Variants in STXBP6 observed in about 807,000 individuals in gnomAD.
STXBP6 encodes syntaxin binding protein 6.
Under a neutral mutation model 26.9 loss-of-function variants are expected in STXBP6, and 21 were observed. That is an observed-to-expected ratio of 0.78 (90% confidence interval 0.55 to 1.12). The LOEUF is 1.12. Ranked by LOEUF, STXBP6 falls within the 50% of genes most tolerant of loss-of-function variation. The pLI is 0.00. For synonymous variants in STXBP6, 97 were observed against 92.6 expected (o/e 1.05, Z -0.27); for missense variants, 232 against 257.9 (o/e 0.90, Z 0.69).
intron 2 of STXBP6, among the ~76,000 whole-genome samples, chr14:24,957,697 C>A (rs899352806): frequency 1.3e-5 from 2 of 152,198 alleles, no homozygotes; most frequent in African/African-American, 4.8e-5. Flanking sequence ...CACACTAGCC[C>A]TCTAAGATAG....
intron 1 of STXBP6, among the ~76,000 whole-genome samples, chr14:24,992,814 A>G (rs2074508401): frequency 6.6e-6 from 1 of 152,192 alleles, no homozygotes; most frequent in Non-Finnish European, 1.5e-5. Flanking sequence ...ACCATAAGTA[A>G]CTCTGAAAAA....
chr14:24,909,392 G>A (rs1229747407), intron 2 of STXBP6, among the ~76,000 whole-genome samples: 1 of 152,174 alleles, frequency 6.6e-6, no homozygotes, highest in Non-Finnish European at 1.5e-5. Flanking sequence ...ACAGATGTGG[G>A]AACTAATGTC....
At chr14:24,889,597 A>G (rs2070720220) in intron 2 of STXBP6, among the ~76,000 whole-genome samples, 1 of 151,952 alleles carries the variant, frequency 6.6e-6, no homozygotes. Flanking sequence ...AAAAAAGAAT[A>G]CCCAGAAAAG....
chr14:24,974,317 T>C (rs1469344649), intron 2 of STXBP6, among the ~76,000 whole-genome samples: 1 of 152,220 alleles, frequency 6.6e-6, no homozygotes, highest in East Asian at 1.9e-4. Flanking sequence ...TAATGACAAT[T>C]ATTCAGATAC....
chr14:24,956,615 A>T (rs1050781944), intron 2 of STXBP6, among the ~76,000 whole-genome samples: 3 of 152,160 alleles, frequency 2.0e-5, no homozygotes, highest in Non-Finnish European at 4.4e-5. Context: ...GCTGGGGTTT[A>T]AGACTCTCCA....
intron 2 of STXBP6, among the ~76,000 whole-genome samples, chr14:24,892,540 C>T (rs1472706389): frequency 6.6e-6 from 1 of 152,088 alleles, no homozygotes. Flanking sequence ...CAACCACACC[C>T]CTTGGTTTGA....
chr14:25,025,160 A>G (rs573648993), intron 1 of STXBP6, among the ~76,000 whole-genome samples: 1 of 152,222 alleles, frequency 6.6e-6, no homozygotes, highest in South Asian at 2.1e-4. Flanking sequence ...GGCTTAACTC[A>G]TGAGAAGGCT....
chr14:25,006,527 G>A (rs2074903604), intron 1 of STXBP6, among the ~76,000 whole-genome samples: 1 of 152,174 alleles, frequency 6.6e-6, no homozygotes, highest in South Asian at 2.1e-4. Context: ...TGCTTTATTT[G>A]TGAAGGAAAG....
chr14:25,028,175 A>C (rs1292733059), intron 1 of STXBP6, among the ~76,000 whole-genome samples: 2 of 152,218 alleles, frequency 1.3e-5, no homozygotes, highest in African/African-American at 4.8e-5. Context: ...TATCAGCTAC[A>C]CCAAACAACA....
At chr14:24,918,260 AG>A (rs1196887258) in intron 2 of STXBP6, among the ~76,000 whole-genome samples, 1 of 152,016 alleles carries the variant, frequency 6.6e-6, no homozygotes, top group Non-Finnish European at 1.5e-5. Flanking sequence ...GGTAAACTTC[AG>A]GGTTATGAAT....
chr14:25,041,195 G>A (rs1301183364), intron 1 of STXBP6, among the ~76,000 whole-genome samples: 2 of 151,930 alleles, frequency 1.3e-5, no homozygotes, highest in Admixed American at 6.6e-5. Flanking sequence ...GGTGGTGGGC[G>A]CCTATAATCC....
chr14:24,955,138 C>T (rs1338749929), intron 2 of STXBP6, among the ~76,000 whole-genome samples: 1 of 152,128 alleles, frequency 6.6e-6, no homozygotes, highest in East Asian at 1.9e-4. Context: ...TTCTTTGTTG[C>T]TCAGGTATTG....
intron 2 of STXBP6, among the ~76,000 whole-genome samples, chr14:24,939,186 C>T (rs550937668): frequency 4.9e-4 from 75 of 152,270 alleles, no homozygotes; most frequent in African/African-American, 1.7e-3. Context: ...ACATTTAAAT[C>T]CCCTCCTAGT....
At chr14:24,892,345 G>A (rs914376041) in intron 2 of STXBP6, among the ~76,000 whole-genome samples, 6 of 152,142 alleles carry the variant, frequency 3.9e-5, no homozygotes, top group Non-Finnish European at 8.8e-5. Flanking sequence ...TTAGGTGGAA[G>A]TATTTATTTT....
intron 2 of STXBP6, among the ~76,000 whole-genome samples, chr14:24,880,087 A>C (rs1342620806): frequency 6.6e-6 from 1 of 152,258 alleles, no homozygotes; most frequent in Non-Finnish European, 1.5e-5. Flanking sequence ...AAGATATGAC[A>C]TTAGTTACTG....
intron 4 of STXBP6, among the ~76,000 whole-genome samples, chr14:24,849,590 C>G (rs2069077328): frequency 6.6e-6 from 1 of 152,084 alleles, no homozygotes; most frequent in African/African-American, 2.4e-5. Flanking sequence ...TCATTTTCCT[C>G]ATCTGTACTT....
At chr14:24,907,967 A>G (rs547445750) in intron 2 of STXBP6, among the ~76,000 whole-genome samples, 2 of 152,150 alleles carry the variant, frequency 1.3e-5, no homozygotes, top group Admixed American at 1.3e-4. Flanking sequence ...AAGGAACCCC[A>G]AATCTGTATC....
intron 2 of STXBP6, among the ~76,000 whole-genome samples, chr14:24,896,295 C>G (rs919128790): frequency 2.2e-5 from 3 of 138,104 alleles, no homozygotes; most frequent in African/African-American, 8.4e-5. Context: ...AAGTTTTGCT[C>G]TACTAAGAAA....
At chr14:24,819,322 T>C in intron 4 of STXBP6, 128 bp from the exon 5 acceptor site, 1 of 1,061,272 alleles carries the variant, frequency 9.4e-7, no homozygotes, top group Non-Finnish European at 1.4e-6. Context: ...GTCTAGTGTC[T>C]AGGAAACAAG....
Sources: allele counts gnomAD v4.1 joint callset (sites outside exome capture counted in the v4.1 genomes callset), GRCh38; gene constraint gnomAD v4.1.1; transcripts MANE v1.5; gene names NCBI Gene and HGNC (gene_info 2026-07-23, HGNC 2026-07-21).